Variants in NINL observed in about 807,000 individuals in gnomAD.
NINL encodes ninein like, also known as ninein-like protein.
A neutral mutation model predicts 160.3 loss-of-function variants in NINL; 153 were observed. The observed-to-expected ratio is 0.95, with a 90% CI of 0.84 to 1.09. NINL has a LOEUF of 1.09. NINL is among the 50% of genes least tolerant of loss of function. The pLI is 0.00. For synonymous variants in NINL, 800 were observed against 734.8 expected, an observed-to-expected ratio of 1.09 and a Z score of -1.43; for missense variants, 1,829 against 1,764.0, an observed-to-expected ratio of 1.04 and a Z score of -0.66.
intron 1 of NINL, among the ~76,000 whole-genome samples, chr20:25,530,259 C>T (rs1254656180): frequency 6.6e-6 from 1 of 152,174 alleles, no homozygotes; most frequent in African/African-American, 2.4e-5. Flanking sequence ...AACACATAGA[C>T]ACACATGTAT....
chr20:25,496,761 C>G lies in NINL; in HGVS notation c.1212G>C (p.Arg404Ser). 1 of 1,614,084 alleles carries G rather than the reference C, an allele frequency of 6.2e-7. No individual in the cohort carries two copies. Among genetic ancestry groups the G allele is most frequent in the Non-Finnish European group, 8.5e-7 (1 of 1,180,030 alleles). The change falls in exon 10 of 24, where the codon AGG becomes AGC. Residue 404 changes from arginine (R) to serine (S), a missense_variant. Arg to Ser is a moderately radical substitution (Grantham distance 110). Transcript: ENST00000278886. The stretch of plus-strand genomic sequence containing the variant: ...TCTTCTCGGCCCTCTCCAGGTCCTG[C>G]CTTGCCTTGTCACGCTCCCTTGCCA... ...EQLARERDKA[R>S]QDLERAEKRN... is the part of the protein sequence containing the mutation.
chr20:25,491,624 T>C, intron 10 of NINL, 99 bp from the exon 11 acceptor site: 1 of 1,425,836 alleles, frequency 7.0e-7, no homozygotes, highest in Non-Finnish European at 9.6e-7. Flanking sequence ...GAAACGCCCC[T>C]GTCCTCAGCA....
intron 10 of NINL, among the ~76,000 whole-genome samples, 169 bp from the exon 11 acceptor site, chr20:25,491,694 G>C (rs1478259841): frequency 6.6e-6 from 1 of 152,192 alleles, no homozygotes; most frequent in Admixed American, 6.5e-5. Context: ...TCTGAGGGTG[G>C]GTGCTCCTCC....
chr20:25,487,528 C>T (rs1423624462), intron 13 of NINL, among the ~76,000 whole-genome samples: 1 of 152,130 alleles, frequency 6.6e-6, no homozygotes, highest in East Asian at 1.9e-4. Flanking sequence ...ATTGTTACAA[C>T]TTGTTTGGAC....
intron 13 of NINL, among the ~76,000 whole-genome samples, chr20:25,483,636 G>C (rs1285202949): frequency 1.3e-5 from 2 of 152,276 alleles, no homozygotes; most frequent in Admixed American, 6.5e-5. Context: ...CGGCGGGAAG[G>C]CTAGGACACC....
At chr20:25,511,928 G>C (rs2064077031) in intron 4 of NINL, among the ~76,000 whole-genome samples, 1 of 152,190 alleles carries the variant, frequency 6.6e-6, no homozygotes, top group African/African-American at 2.4e-5. Flanking sequence ...GACCCACCTG[G>C]CAGAAGCTGA....
chr20:25,462,526 C>T lies in NINL; in HGVS notation c.3439G>A (p.Asp1147Asn). 6.2e-7 allele frequency: 1 copy of T among 1,601,188 alleles called. No individual in the cohort carries two copies. Among genetic ancestry groups the T allele is most frequent in the Non-Finnish European group, 8.5e-7 (1 of 1,177,092 alleles). Residue 1147 changes from aspartate to asparagine, a missense_variant, in exon 20 of 24, where the codon GAT (aspartate) becomes AAT (asparagine). Coordinates refer to ENST00000278886, the MANE Select transcript of NINL (RefSeq NM_025176.6). ...VLNRQNQNYK[D>N]QLSQLNVRVL... is the part of the protein sequence containing the mutation. ...CTGACATTGAGCTGGGATAATTGAT[C>T]CTTGTAGTTCTGATTCTGGGGGAAA...
chr20:25,549,848 A>G (rs1471576557), intron 1 of NINL, among the ~76,000 whole-genome samples: 1 of 152,230 alleles, frequency 6.6e-6, no homozygotes, highest in Non-Finnish European at 1.5e-5. Context: ...AAGTCAGGAA[A>G]ATCTCAGAAC....
chr20:25,508,444 C>A (rs776408265), intron 5 of NINL, among the ~76,000 whole-genome samples: 5 of 152,266 alleles, frequency 3.3e-5, no homozygotes, highest in Non-Finnish European at 7.3e-5. Flanking sequence ...TGGTCAGCGG[C>A]CTGCCTGGCC....
In NINL at chr20:25,477,100, A is replaced by T. The variant is rs1426162507; in HGVS notation, c.2202-11T>A. 6 of 1,583,324 alleles carry T rather than the reference A, an allele frequency of 3.8e-6. No homozygotes were observed. The highest frequency in any genetic ancestry group is 5.1e-6 in the Non-Finnish European group (6 of 1,172,718). ...GCCTCAGCCTCTCTCCTGTGGAAGT[A>T]GAACCGTCACACACCACAGCCCTGC... On this transcript the variant is annotated splice_polypyrimidine_tract_variant and intron_variant, in intron 16 of 23. Coordinates refer to ENST00000278886, the MANE Select transcript of NINL (RefSeq NM_025176.6).
chr20:25,483,161 C>T (rs1313434399), intron 13 of NINL, among the ~76,000 whole-genome samples: 11 of 149,204 alleles, frequency 7.4e-5, no homozygotes, highest in South Asian at 2.1e-4. Flanking sequence ...GGCGAAACCC[C>T]GGTCTCTACT....
intron 10 of NINL, among the ~76,000 whole-genome samples, chr20:25,495,498 C>G (rs1372733371): frequency 6.6e-6 from 1 of 152,178 alleles, no homozygotes; most frequent in Non-Finnish European, 1.5e-5. Context: ...GACCAAGAAC[C>G]CAAGGGCGTG....
At chr20:25,567,367 T>C (rs924691041) in intron 1 of NINL, among the ~76,000 whole-genome samples, 2 of 152,168 alleles carry the variant, frequency 1.3e-5, no homozygotes, top group African/African-American at 4.8e-5. Context: ...GAAGTAATAA[T>C]GGCTGAGAAT....
intron 19 of NINL, 84 bp from the exon 20 acceptor site, chr20:25,462,625 AT>A (rs1280513188): frequency 1.0e-5 from 12 of 1,161,662 alleles, no homozygotes; most frequent in Non-Finnish European, 1.3e-5. Context: ...CATTGGCTAT[AT>A]TTTTATTAAG....
chr20:25,531,719 C>T (rs997562575), intron 1 of NINL, among the ~76,000 whole-genome samples: 1 of 152,178 alleles, frequency 6.6e-6, no homozygotes, highest in African/African-American at 2.4e-5. Flanking sequence ...CCTGACCATG[C>T]CCCAAAAGCT....
chr20:25,514,427 T>A (rs1462603141), intron 3 of NINL, among the ~76,000 whole-genome samples: 1 of 152,212 alleles, frequency 6.6e-6, no homozygotes, highest in East Asian at 1.9e-4. Context: ...AGAGATGATC[T>A]GAAACTAAAA....
chr20:25,565,914 G>T (rs748697490), intron 1 of NINL, among the ~76,000 whole-genome samples: 5 of 152,016 alleles, frequency 3.3e-5, no homozygotes, highest in Admixed American at 6.6e-5. Flanking sequence ...TGGACTCCAG[G>T]ACTTACACTG....
intron 19 of NINL, among the ~76,000 whole-genome samples, chr20:25,463,521 A>G (rs1415691131): frequency 6.6e-6 from 1 of 152,222 alleles, no homozygotes; most frequent in Non-Finnish European, 1.5e-5. Context: ...GTGAGGGCGC[A>G]GTGCAGTGAC....
intron 18 of NINL, among the ~76,000 whole-genome samples, chr20:25,467,805 A>C (rs560973997): frequency 6.6e-6 from 1 of 152,138 alleles, no homozygotes; most frequent in Non-Finnish European, 1.5e-5. Context: ...TGTAAAACAC[A>C]TAACACTTCA....
Sources: allele counts gnomAD v4.1 joint callset (sites outside exome capture counted in the v4.1 genomes callset), GRCh38; gene constraint gnomAD v4.1.1; transcripts MANE v1.5; gene names NCBI Gene and HGNC (gene_info 2026-07-23, HGNC 2026-07-21).